CACUL1: variants seen among roughly 807,000 people sequenced by gnomAD.
CACUL1 encodes the protein CDK2-associated and cullin domain-containing protein 1.
CACUL1 carries 13 observed loss-of-function variants against 45.2 expected under a neutral mutation model. That is an observed-to-expected ratio of 0.29 (90% CI 0.19 to 0.46). The LOEUF (loss-of-function observed/expected upper bound fraction) is 0.46. CACUL1 is among the 20% of genes least tolerant of loss of function. The probability of loss-of-function intolerance (pLI) is 1.00; values close to 1 mark genes in which losing one functional copy is unlikely to be tolerated. For missense variants in CACUL1, 421 were observed against 471.4 expected (o/e 0.89, Z 0.99); for synonymous variants, 197 against 174.2 (o/e 1.13, Z -1.03).
At chr10:118,723,807 G>A (rs774273794) in intron 3 of CACUL1, among the ~76,000 whole-genome samples, 3 of 151,878 alleles carry the variant, frequency 2.0e-5, no homozygotes, top group Admixed American at 6.6e-5. Context: ...ACGGAATCTC[G>A]CTCTGTCGCT....
At chr10:118,732,531 T>C (rs1017711127) in intron 1 of CACUL1, among the ~76,000 whole-genome samples, 17 of 152,098 alleles carry the variant, frequency 1.1e-4, no homozygotes, top group African/African-American at 3.4e-4. Context: ...AGGTAAGAAA[T>C]TGTGGGAGAA....
Position 118,754,459 on chromosome 10 carries a change from T to C in CACUL1, c.304A>G (p.Lys102Glu), listed in dbSNP as rs1005950783. The C allele has an allele frequency of 3.7e-6, 6 of 1,601,904 alleles. No individual in the cohort carries two copies. The highest frequency in any genetic ancestry group is 2.2e-5 in the South Asian group (2 of 89,698). The change falls in exon 1 of 9, where the codon AAG becomes GAG. Residue 102 changes from lysine (K) to glutamate (E), a missense_variant. Around this residue, in one of 2 missense-constraint regions of CACUL1, gnomAD observed 213 missense variants for 173.1 expected, o/e 1.23. Transcript: ENST00000369151. ...CTGGCGGTGGGGGCGGGGGCCGCCT[T>C]GGCCACGGCGGCGGCCGCGTCGCAG... ...KSCDAAAAVA[K>E]AAPAPTASST...
Position 118,730,306 on chromosome 10 carries a change from T to C in CACUL1, c.472A>G (p.Ile158Val). 3 of 1,614,076 alleles carry C rather than the reference T, an allele frequency of 1.9e-6. No individual in the cohort carries two copies. The highest frequency in any genetic ancestry group is 2.5e-6 in the Non-Finnish European group (3 of 1,179,946). Reference sequence around the variant, plus strand: ...TACCTGTATATCTGTTCATAGGATATGGGGATATAGTCACCAGGACTCTGA... The same window carrying C: ...TACCTGTATATCTGTTCATAGGATACGGGGATATAGTCACCAGGACTCTGA... ...LTQSPGDYIPISYEQIYSCVY... is the reference protein window; with the variant it reads ...LTQSPGDYIPVSYEQIYSCVY... The change falls in exon 2 of 9, where the codon ATA (isoleucine) becomes GTA (valine). Residue 158 changes from isoleucine (I) to valine (V), a missense_variant. Ile to Val is a conservative substitution (Grantham distance 29). Transcript: ENST00000369151.
At chr10:118,720,816 T>C (rs759429745) in intron 3 of CACUL1, among the ~76,000 whole-genome samples, 58 of 152,242 alleles carry the variant, frequency 3.8e-4, no homozygotes, top group Non-Finnish European at 6.5e-4. Flanking sequence ...ATTAGAATCA[T>C]GGTCTGAATG....
intron 5 of CACUL1, among the ~76,000 whole-genome samples, chr10:118,700,059 C>G (rs942575365): frequency 1.3e-5 from 2 of 151,210 alleles, no homozygotes; most frequent in Admixed American, 1.3e-4. Flanking sequence ...GAAAAAAAAA[C>G]CCTGCCTTTC....
intron 5 of CACUL1, among the ~76,000 whole-genome samples, chr10:118,696,113 T>C (rs1041101236): frequency 6.6e-6 from 1 of 152,200 alleles, no homozygotes; most frequent in African/African-American, 2.4e-5. Context: ...AACGTACAAT[T>C]TGAGTTATGT....
At chr10:118,738,924 G>A (rs969253497) in intron 1 of CACUL1, among the ~76,000 whole-genome samples, 7 of 140,676 alleles carry the variant, frequency 5.0e-5, no homozygotes, top group African/African-American at 1.9e-4. Flanking sequence ...AAGCCTGGGC[G>A]CTGTGGTTCA....
rs1845143562 is a variant in CACUL1 at position 118,680,622 on chromosome 10, C to A, written c.*5506G>T. 2 of 152,088 alleles carry A rather than the reference C, an allele frequency of 1.3e-5. No individual in the cohort carries two copies. Among genetic ancestry groups the A allele is most frequent in the Admixed American group, 6.6e-5 (1 of 15,266 alleles). 9.4% of individuals were successfully genotyped at this position (152,088 alleles called of 1,614,324 possible). A position where few individuals can be genotyped will look rare whatever the true frequency, so the allele number is the denominator to read the frequency against. On this transcript the variant is annotated 3_prime_UTR_variant, in exon 9 of 9. Coordinates refer to ENST00000369151, the MANE Select transcript of CACUL1 (RefSeq NM_153810.5). ...GTACCAATAAATGCAAAGAAAAAAA[C>A]AACCTAAGTCCAAAAGTTGATTAAA...
At chr10:118,729,046 CATG>C (rs1845675992) in intron 3 of CACUL1, 1 of 361,712 alleles carries the variant, frequency 2.8e-6, no homozygotes, top group African/African-American at 2.2e-5. Context: ...GAAATGTTGA[CATG>C]ATAATCAATA....
chr10:118,746,148 T>A (rs1845841225), intron 1 of CACUL1, among the ~76,000 whole-genome samples: 1 of 106,778 alleles, frequency 9.4e-6, no homozygotes, highest in Non-Finnish European at 1.9e-5. Flanking sequence ...CGAGACACTG[T>A]CTCAAAAAAA....
intron 1 of CACUL1, among the ~76,000 whole-genome samples, chr10:118,731,360 C>A (rs997756031): frequency 2.6e-5 from 4 of 152,192 alleles, no homozygotes; most frequent in Admixed American, 2.6e-4. Context: ...AAAGCAAAGC[C>A]TTCCCAGTAT....
intron 1 of CACUL1, among the ~76,000 whole-genome samples, chr10:118,739,028 T>C (rs1039859457): frequency 6.6e-6 from 1 of 151,042 alleles, no homozygotes; most frequent in Non-Finnish European, 1.5e-5. Context: ...ACCTGGTCTG[T>C]ACTAAAAATA....
At chr10:118,716,093 G>A (rs945176520) in intron 3 of CACUL1, among the ~76,000 whole-genome samples, 7 of 151,876 alleles carry the variant, frequency 4.6e-5, no homozygotes, top group African/African-American at 1.5e-4. Flanking sequence ...TTAGCCGGGC[G>A]TGGTGGCACG....
At position 118,679,167 on chromosome 10, in the gene CACUL1, A is replaced by AT. The variant is rs546427580; in HGVS notation, c.*6960dup. ...TCCTGCCTCACACCTTAGCCTCCAA[A>AT]TAACTAGGACTAAAAGCAGGTACCA... On this transcript the variant is annotated 3_prime_UTR_variant, in exon 9 of 9. Transcript: ENST00000369151. The AT allele has an allele frequency of 5.3e-5, 8 of 152,078 alleles. No homozygotes were observed. In the East Asian group the frequency reaches 1.5e-3, roughly 29 times the overall value. The allele number at this position is 152,078 out of a possible 1,614,324, so 9.4% of individuals were successfully genotyped here. A position where few individuals can be genotyped will look rare whatever the true frequency, so the allele number is the denominator to read the frequency against.
chr10:118,752,184 G>A (rs1469369874), intron 1 of CACUL1, among the ~76,000 whole-genome samples: 1 of 152,036 alleles, frequency 6.6e-6, no homozygotes, highest in Non-Finnish European at 1.5e-5. Flanking sequence ...TGTTAGCCAG[G>A]ACCTTCCTAC....
intron 1 of CACUL1, among the ~76,000 whole-genome samples, chr10:118,748,020 G>A (rs569975889): frequency 6.6e-6 from 1 of 152,278 alleles, no homozygotes; most frequent in African/African-American, 2.4e-5. Context: ...GGGAGCCAGA[G>A]GTTGCAGTGA....
At chr10:118,727,483 TTAATA>T (rs1845662753) in intron 3 of CACUL1, among the ~76,000 whole-genome samples, 1 of 151,988 alleles carries the variant, frequency 6.6e-6, no homozygotes, top group Non-Finnish European at 1.5e-5. Context: ...CATTACTATA[TTAATA>T]TAAAACTAAA....
At chr10:118,693,107 T>C (rs1449385135) in intron 6 of CACUL1, 3 of 152,286 alleles carry the variant, frequency 2.0e-5, no homozygotes, top group African/African-American at 4.8e-5. Context: ...GCTGGAACTA[T>C]TTCTAAAGAA....
In CACUL1 at chr10:118,683,004, C is replaced by T. The variant is rs975615954; in HGVS notation, c.*3124G>A. 1 of 152,198 alleles carries T rather than the reference C, an allele frequency of 6.6e-6. No homozygotes were observed. Among genetic ancestry groups the T allele is most frequent in the African/African-American group, 2.4e-5 (1 of 41,442 alleles). The allele number at this position is 152,198 out of a possible 1,614,324, so 9.4% of individuals were successfully genotyped here. A position where few individuals can be genotyped will look rare whatever the true frequency, so the allele number is the denominator to read the frequency against. On this transcript the variant is annotated 3_prime_UTR_variant, in exon 9 of 9. Transcript: ENST00000369151. ...AACCATTAGGATAAAAGTCACAACA[C>T]CAGGTTTTGCTTTCTGCCCCACAAA...
Sources: gnomAD v4.1 joint callset for allele counts (sites outside exome capture counted in the v4.1 genomes callset) on GRCh38, gnomAD v4.1.1 for gene constraint, gnomAD v4.1.1 regional missense constraint, MANE v1.5 for transcripts, NCBI Gene and HGNC (gene_info 2026-07-23, HGNC 2026-07-21) for gene names.